Variants in L3HYPDH observed in about 807,000 individuals in gnomAD.
The protein encoded by L3HYPDH is trans-L-3-hydroxyproline dehydratase.
In L3HYPDH, 32 loss-of-function variants were observed where a neutral mutation model predicts 26.5. The ratio of observed to expected loss-of-function variants is 1.21; its 90% CI spans 0.91 to 1.62. The LOEUF (loss-of-function observed/expected upper bound fraction) is 1.62, where lower values mean the gene tolerates loss of function less well. L3HYPDH is among the 40% of genes most tolerant of loss of function. The pLI is 0.00. For synonymous variants in L3HYPDH, 215 were observed against 196.6 expected, an observed-to-expected ratio of 1.09 and a Z score of -0.78; for missense variants, 554 against 476.4, an observed-to-expected ratio of 1.16 and a Z score of -1.52.
downstream of L3HYPDH, among the ~76,000 whole-genome samples, chr14:59,470,379 TGTCC>T (rs1889280699): frequency 6.6e-6 from 1 of 152,190 alleles, no homozygotes; most frequent in Non-Finnish European, 1.5e-5. Context: ...TGAAGAACAG[TGTCC>T]TAAAGAGAGG....
At chr14:59,466,324 C>G (rs1271915780) in intron 1 of L3HYPDH, among the ~76,000 whole-genome samples, 4 of 152,264 alleles carry the variant, frequency 2.6e-5, no homozygotes, top group Middle Eastern at 3.4e-3. Flanking sequence ...GCAGGGCTAC[C>G]CAGGGAAGTT....
At position 59,484,336 on chromosome 14, in the gene L3HYPDH, G is replaced by A. The variant is rs774529631; in HGVS notation, c.-20C>T. ...CTCCATGGTCTGCGTCGGGGGAGAC[G>A]AGTACGGTCCCGCAGCTATGGCTTC... On this transcript the variant is annotated 5_prime_UTR_variant, in exon 1 of 5. Transcript: ENST00000247194. 85 of 1,567,262 alleles carry A rather than the reference G, an allele frequency of 5.4e-5. No individual in the cohort carries two copies. The highest frequency in any genetic ancestry group is 2.1e-4 in the Middle Eastern group (1 of 4,668).
intron 2 of L3HYPDH, among the ~76,000 whole-genome samples, chr14:59,477,539 ATTAAG>A (rs1889721367): frequency 6.6e-6 from 1 of 152,192 alleles, no homozygotes; most frequent in Non-Finnish European, 1.5e-5. Flanking sequence ...TACACCTTTT[ATTAAG>A]ATATCCATGA....
At chr14:59,495,833 T>A in the L3HYPDH span, among the ~76,000 whole-genome samples, 1 of 152,204 alleles carries the variant, frequency 6.6e-6, no homozygotes, top group African/African-American at 2.4e-5. Context: ...ATCAAAAACA[T>A]AGAAATGCAA....
chr14:59,502,758 T>TTTTTGTTTTTGTTTTTG, the L3HYPDH span, among the ~76,000 whole-genome samples: 1 of 130,856 alleles, frequency 7.6e-6, no homozygotes, highest in African/African-American at 2.9e-5. Context: ...AGATTTTTTT[T>TTTTTGTTTTTGTTTTTG]TTTTTTTTTT....
chr14:59,486,863 T>A, upstream of L3HYPDH: 1 of 1,148,000 alleles, frequency 8.7e-7, no homozygotes, highest in Non-Finnish European at 1.3e-6. Context: ...TTTGAAATAT[T>A]TTCACATACA....
the L3HYPDH span, among the ~76,000 whole-genome samples, chr14:59,496,996 ATTT>A: frequency 7.2e-6 from 1 of 138,200 alleles, no homozygotes. Context: ...AGTCATAGTA[ATTT>A]TTTTTTTTTT....
the L3HYPDH span, chr14:59,503,956 C>T: frequency 1.2e-6 from 2 of 1,613,620 alleles, no homozygotes; most frequent in Non-Finnish European, 1.7e-6. Context: ...AGTGGATAAA[C>T]TTGAGCAAGA....
the L3HYPDH span, chr14:59,505,192 T>A: frequency 9.8e-7 from 1 of 1,016,240 alleles, no homozygotes; most frequent in Admixed American, 2.8e-5. Flanking sequence ...CACTCACTTT[T>A]CCTGTAGTAG....
intron 1 of L3HYPDH, 25 bp downstream of exon 1, chr14:59,483,783 TG>T: frequency 6.3e-7 from 1 of 1,587,114 alleles, no homozygotes; most frequent in Non-Finnish European, 8.5e-7. Flanking sequence ...AGCTCTGCCC[TG>T]GGCTGGAAAG....
At chr14:59,483,702 C>G in intron 1 of L3HYPDH, 107 bp downstream of exon 1, 1 of 1,493,648 alleles carries the variant, frequency 6.7e-7, no homozygotes, top group Non-Finnish European at 8.9e-7. Flanking sequence ...TGCAAGGTTT[C>G]GCGGAGTAGG....
chr14:59,504,097 AC>A, the L3HYPDH span: 2 of 1,404,264 alleles, frequency 1.4e-6, no homozygotes, highest in Non-Finnish European at 2.0e-6. Flanking sequence ...AATGCCAAAA[AC>A]CTGAGAAGTG....
rs779547606 is a variant in L3HYPDH at position 59,484,328 on chromosome 14, G to C, written c.-12C>G. ...AGCGCGCTCTCCATGGTCTGCGTCG[G>C]GGGAGACGAGTACGGTCCCGCAGCT... On this transcript the variant is annotated 5_prime_UTR_variant, in exon 1 of 5. Coordinates refer to ENST00000247194, the MANE Select transcript of L3HYPDH (RefSeq NM_144581.2). 1.3e-5 allele frequency: 21 copies of C among 1,575,002 alleles called. No individual in the cohort carries two copies. In the East Asian group the frequency reaches 4.0e-4, roughly 30 times the overall value.
At chr14:59,482,793 T>C (rs1890125022) in intron 1 of L3HYPDH, among the ~76,000 whole-genome samples, 1 of 152,230 alleles carries the variant, frequency 6.6e-6, no homozygotes, top group African/African-American at 2.4e-5. Flanking sequence ...GGTCCAACTT[T>C]CTAACAGATG....
chr14:59,485,440 G>A (rs535755058), upstream of L3HYPDH: 40 of 238,978 alleles, frequency 1.7e-4, no homozygotes, highest in African/African-American at 8.6e-4. Flanking sequence ...ATTATTCAAT[G>A]CTGTTTCTCT....
rs1357559717 is a variant in L3HYPDH at position 59,474,743 on chromosome 14, T to G, written c.939+1126A>C. 1.0e-5 allele frequency: 4 copies of G among 397,946 alleles called. No homozygotes were observed. The Admixed American group carries it at 1.8e-4, about 18-fold the overall frequency. 24.7% of individuals were successfully genotyped at this position (397,946 alleles called of 1,614,324 possible). A position where few individuals can be genotyped will look rare whatever the true frequency, so the allele number is the denominator to read the frequency against. On this transcript the variant is annotated intron_variant, in intron 4 of 4. Transcript: ENST00000247194. Reference sequence around the variant, plus strand: ...CAGTACTGACCTTGTAGGATTCTTGTGAGGATTAAATGAGATGGCATGTAT... The same window carrying G: ...CAGTACTGACCTTGTAGGATTCTTGGGAGGATTAAATGAGATGGCATGTAT...
chr14:59,480,293 G>C (rs1405689170), intron 1 of L3HYPDH, among the ~76,000 whole-genome samples: 1 of 152,182 alleles, frequency 6.6e-6, no homozygotes, highest in East Asian at 1.9e-4. Flanking sequence ...AGTGCAGAGA[G>C]GACGTGTGTT....
In L3HYPDH at chr14:59,476,133, T is replaced by G; in HGVS notation, c.760A>C (p.Lys254Gln). 3 of 1,614,008 alleles carry G rather than the reference T, an allele frequency of 1.9e-6. No individual in the cohort carries two copies. The highest frequency in any genetic ancestry group is 2.5e-6 in the Non-Finnish European group (3 of 1,179,916). Residue 254 changes from lysine (K) to glutamine (Q), a missense_variant, in exon 3 of 5, where the codon AAG becomes CAG. Coordinates refer to ENST00000247194, the MANE Select transcript of L3HYPDH (RefSeq NM_144581.2). ...ILTDGKDAYT[K>Q]EPTTNICVFA... The stretch of plus-strand genomic sequence containing the variant: ...ACACAAATGTTGGTGGTTGGTTCCT[T>G]GGTATAAGCATCTTTTCCATCTGTT...
At chr14:59,484,754 G>A (rs916409124), upstream of L3HYPDH, 45 of 1,006,170 alleles carry the variant, frequency 4.5e-5, no homozygotes, top group African/African-American at 7.0e-4. Flanking sequence ...CACTCCTGCG[G>A]GGTTGGGGTG....
Sources: allele counts gnomAD v4.1 joint callset (sites outside exome capture counted in the v4.1 genomes callset), GRCh38; gene constraint gnomAD v4.1.1; transcripts MANE v1.5; gene names NCBI Gene and HGNC (gene_info 2026-07-23, HGNC 2026-07-21).